The following ST13 variants were observed in gnomAD, a reference collection of about 807,000 sequenced individuals.
ST13 encodes the protein ST13 Hsp70 interacting protein.
A neutral mutation model predicts 56.7 loss-of-function variants in ST13; 23 were observed. That is an observed-to-expected ratio of 0.41 (90% CI 0.29 to 0.57). The LOEUF (loss-of-function observed/expected upper bound fraction) is 0.57, where lower values mean the gene tolerates loss of function less well. ST13 is among the 20% of genes least tolerant of loss of function. ST13 has a pLI of 0.36. For synonymous variants in ST13, 132 were observed against 142.4 expected, an observed-to-expected ratio of 0.93 and a Z score of 0.52; for missense variants, 369 against 459.9, an observed-to-expected ratio of 0.80 and a Z score of 1.81.
At position 40,848,477 on chromosome 22, in the gene ST13, C is replaced by A. The variant is rs1038645687; in HGVS notation, c.169-108G>T. ...AACTGTCAAATATGGCCAGGCATGG[C>A]GGCTCATGCCTGGAATTCCAGCACT... On this transcript the variant is annotated intron_variant, in intron 2 of 11. Transcript: ENST00000216218. 1.2e-5 allele frequency: 9 copies of A among 768,176 alleles called. No individual in the cohort carries two copies. In the African/African-American group the frequency reaches 1.6e-4, roughly 13 times the overall value. 47.6% of individuals were successfully genotyped at this position (768,176 alleles called of 1,614,324 possible).
chr22:40,837,865 C>T (rs778148250), intron 5 of ST13, among the ~76,000 whole-genome samples: 1 of 152,146 alleles, frequency 6.6e-6, no homozygotes, highest in Non-Finnish European at 1.5e-5. Flanking sequence ...CCAGGCTGAT[C>T]TTGGACTCTT....
intron 5 of ST13, among the ~76,000 whole-genome samples, chr22:40,838,044 T>G (rs1274030854): frequency 6.6e-6 from 1 of 152,190 alleles, no homozygotes; most frequent in Non-Finnish European, 1.5e-5. Flanking sequence ...TCCATACATT[T>G]AGTTCAGGAG....
In ST13 at chr22:40,825,947, A is replaced by G. The variant is rs997727386; in HGVS notation, c.*591T>C. 2 of 152,734 alleles carry G rather than the reference A, an allele frequency of 1.3e-5. No homozygotes were observed. The highest frequency in any genetic ancestry group is 2.4e-5 in the African/African-American group (1 of 41,478). 9.5% of individuals were successfully genotyped at this position (152,734 alleles called of 1,614,324 possible). A position where few individuals can be genotyped will look rare whatever the true frequency, so the allele number is the denominator to read the frequency against. On this transcript the variant is annotated 3_prime_UTR_variant, in exon 12 of 12. Coordinates refer to ENST00000216218, the MANE Select transcript of ST13 (RefSeq NM_003932.5). ...CCCAAGGATGCATGTTATATCAAAC[A>G]CAGCAAGATTGCTGCTGCCCTGCCA...
chr22:40,854,808 A>G (rs560171156), intron 1 of ST13, among the ~76,000 whole-genome samples: 1 of 152,332 alleles, frequency 6.6e-6, no homozygotes, highest in African/African-American at 2.4e-5. Context: ...AAGCATACAA[A>G]TATCTTAAGG....
chr22:40,852,128 C>G (rs1238615014), intron 1 of ST13, among the ~76,000 whole-genome samples: 1 of 152,212 alleles, frequency 6.6e-6, no homozygotes, highest in African/African-American at 2.4e-5. Context: ...TATGTGCAGG[C>G]TGAATTTAAA....
At chr22:40,856,410 G>A in intron 1 of ST13, 21 bp downstream of exon 1, 1 of 1,600,494 alleles carries the variant, frequency 6.2e-7, no homozygotes, top group Non-Finnish European at 8.6e-7. Flanking sequence ...GCCCCCAACG[G>A]TCCTCAGGCC....
At chr22:40,840,817 A>C (rs2057800760) in intron 4 of ST13, 125 bp from the exon 5 acceptor site, 1 of 704,404 alleles carries the variant, frequency 1.4e-6, no homozygotes, top group East Asian at 2.8e-5. Context: ...TAGTCTCCAG[A>C]GAACAAAGAG....
intron 7 of ST13, 118 bp from the exon 8 acceptor site, chr22:40,832,789 C>T: frequency 1.4e-6 from 1 of 736,022 alleles, no homozygotes; most frequent in Non-Finnish European, 2.2e-6. Flanking sequence ...TAAATATTAA[C>T]TATAAACTTT....
chr22:40,851,262 AAAT>A (rs2057859834), intron 1 of ST13, among the ~76,000 whole-genome samples: 1 of 152,256 alleles, frequency 6.6e-6, no homozygotes, highest in Non-Finnish European at 1.5e-5. Flanking sequence ...TTGAAACTTG[AAAT>A]AAGAGTTCAA....
At chr22:40,839,454 G>A (rs555827767) in intron 5 of ST13, among the ~76,000 whole-genome samples, 16 of 152,204 alleles carry the variant, frequency 1.1e-4, no homozygotes, top group Admixed American at 3.3e-4. Context: ...AATTATAACC[G>A]ATCAAACATT....
intron 2 of ST13, among the ~76,000 whole-genome samples, chr22:40,850,134 T>C (rs2057853999): frequency 6.6e-6 from 1 of 152,174 alleles, no homozygotes; most frequent in Non-Finnish European, 1.5e-5. Context: ...GGGATGCACC[T>C]GTAATCCCAG....
chr22:40,831,698 A>G (rs1409311797), intron 8 of ST13, among the ~76,000 whole-genome samples: 1 of 152,214 alleles, frequency 6.6e-6, no homozygotes. Context: ...AAAATCTCTG[A>G]GAGTAAATTC....
intron 3 of ST13, among the ~76,000 whole-genome samples, chr22:40,845,818 T>A (rs568500830): frequency 2.7e-4 from 41 of 151,670 alleles, no homozygotes; most frequent in African/African-American, 9.4e-4. Flanking sequence ...AAAAAAAAAA[T>A]TTAAAATCAC....
chr22:40,826,392 G>C lies in ST13; in HGVS notation c.*146C>G. 3.2e-6 allele frequency: 2 copies of C among 619,542 alleles called. No individual in the cohort carries two copies. Among genetic ancestry groups the C allele is most frequent in the Non-Finnish European group, 5.3e-6 (2 of 376,434 alleles). 38.4% of individuals were successfully genotyped at this position (619,542 alleles called of 1,614,324 possible). A position where few individuals can be genotyped will look rare whatever the true frequency, so the allele number is the denominator to read the frequency against. ...ACTGTAAAATGCTTCAGCTGCATTT[G>C]GGGGAGAGGGGTAGGGATTATCTTC... On this transcript the variant is annotated 3_prime_UTR_variant, in exon 12 of 12. Transcript: ENST00000216218.
At chr22:40,839,199 A>G (rs1405337414) in intron 5 of ST13, among the ~76,000 whole-genome samples, 1 of 152,234 alleles carries the variant, frequency 6.6e-6, no homozygotes, top group Non-Finnish European at 1.5e-5. Flanking sequence ...AAGGAGCTAA[A>G]TTAATCAGGT....
rs1487484995 is a variant in ST13 at position 40,856,629 on chromosome 22, G to A, written c.-89C>T. The A allele has an allele frequency of 3.9e-6, 4 of 1,025,672 alleles. No individual in the cohort carries two copies. The highest frequency in any genetic ancestry group is 1.3e-5 in the South Asian group (1 of 76,794). The allele number at this position is 1,025,672 out of a possible 1,614,324, so 63.5% of individuals were successfully genotyped here. A position where few individuals can be genotyped will look rare whatever the true frequency, so the allele number is the denominator to read the frequency against. On this transcript the variant is annotated 5_prime_UTR_variant, in exon 1 of 12. Transcript: ENST00000216218. ...CGGCGTGACCGCGCAGAAGGGGGCGGCTGCCGCAAGACAGAACAGACTAGA... is the reference window on the plus strand; with the variant it reads ...CGGCGTGACCGCGCAGAAGGGGGCGACTGCCGCAAGACAGAACAGACTAGA...
In ST13 at chr22:40,825,325, CTCTG is replaced by C. The variant is rs747510275; in HGVS notation, c.*1209_*1212del. The C allele has an allele frequency of 1.3e-5, 2 of 152,136 alleles. No individual in the cohort carries two copies. Among genetic ancestry groups the C allele is most frequent in the Admixed American group, 6.5e-5 (1 of 15,268 alleles). The allele number at this position is 152,136 out of a possible 1,614,324, so 9.4% of individuals were successfully genotyped here. A position where few individuals can be genotyped will look rare whatever the true frequency, so the allele number is the denominator to read the frequency against. On this transcript the variant is annotated 3_prime_UTR_variant, in exon 12 of 12. Coordinates refer to ENST00000216218, the MANE Select transcript of ST13 (RefSeq NM_003932.5). ...CATTGGATAAAAAAAATCGGTTCCC[CTCTG>C]TGTGTATCAATTTAATTCAAACCTT...
intron 2 of ST13, among the ~76,000 whole-genome samples, chr22:40,849,403 G>A (rs1037944291): frequency 1.3e-5 from 2 of 150,682 alleles, no homozygotes; most frequent in South Asian, 2.1e-4. Flanking sequence ...GCGTGAACCT[G>A]GGAGGCAGAG....
rs373789679 is a variant in ST13, at chr22:40,829,507, T to C, written c.847+119A>G. ...TCATTTCTTTTACCTAGGTTCTTCA[T>C]GAATATCACTGTATAAGAGAACAAA... On this transcript the variant is annotated intron_variant, in intron 10 of 11. Transcript: ENST00000216218. 54 of 450,740 alleles carry C rather than the reference T, an allele frequency of 1.2e-4. No homozygotes were observed. In the East Asian group the frequency reaches 1.4e-3, roughly 12 times the overall value. 27.9% of individuals were successfully genotyped at this position (450,740 alleles called of 1,614,324 possible).
Sources: allele counts gnomAD v4.1 joint callset (sites outside exome capture counted in the v4.1 genomes callset), GRCh38; gene constraint gnomAD v4.1.1; transcripts MANE v1.5; gene names NCBI Gene and HGNC (gene_info 2026-07-23, HGNC 2026-07-21).